The following SCMH1 variants were observed in gnomAD, a reference collection of about 807,000 sequenced individuals.
The protein encoded by SCMH1 is Scm polycomb group protein homolog 1.
A neutral mutation model predicts 70.8 loss-of-function variants in SCMH1; 37 were observed. The observed-to-expected ratio is 0.52, with a 90% CI of 0.40 to 0.69. The LOEUF is 0.69. Ranked by LOEUF, SCMH1 falls within the 30% of genes least tolerant of loss-of-function variation. The pLI, the probability that SCMH1 is intolerant of heterozygous loss-of-function variation, is 0.00. For missense variants in SCMH1, 607 were observed against 827.3 expected (o/e 0.73, Z 3.27); for synonymous variants, 292 against 307.4 (o/e 0.95, Z 0.52).
chr1:41,232,899 G>C (rs1661585527), intron 1 of SCMH1, among the ~76,000 whole-genome samples: 1 of 152,144 alleles, frequency 6.6e-6, no homozygotes, highest in African/African-American at 2.4e-5. Flanking sequence ...CATGCCTTTT[G>C]CTTTTTCGAG....
At chr1:41,037,131 T>G (rs1445990906) in intron 13 of SCMH1, among the ~76,000 whole-genome samples, 1 of 152,242 alleles carries the variant, frequency 6.6e-6, no homozygotes, top group Non-Finnish European at 1.5e-5. Context: ...TCCTTCCCTG[T>G]CCCTTTTGGG....
At chr1:41,092,723 G>C (rs1484602137) in intron 8 of SCMH1, among the ~76,000 whole-genome samples, 14 of 152,278 alleles carry the variant, frequency 9.2e-5, no homozygotes, top group Middle Eastern at 3.4e-3. Flanking sequence ...GATATGAACA[G>C]CCACTTCTCA....
At chr1:41,065,572 G>A (rs574132079) in intron 10 of SCMH1, among the ~76,000 whole-genome samples, 12 of 152,284 alleles carry the variant, frequency 7.9e-5, no homozygotes, top group African/African-American at 2.9e-4. Flanking sequence ...AAGACTTATT[G>A]TAAAGCTACC....
intron 1 of SCMH1, among the ~76,000 whole-genome samples, chr1:41,228,949 T>G (rs1363380380): frequency 6.6e-6 from 1 of 152,122 alleles, no homozygotes; most frequent in Non-Finnish European, 1.5e-5. Flanking sequence ...TAAGATTCAT[T>G]CATTCGGAGG....
chr1:41,181,776 TG>T (rs1434092710), intron 2 of SCMH1, among the ~76,000 whole-genome samples: 1 of 152,220 alleles, frequency 6.6e-6, no homozygotes, highest in Non-Finnish European at 1.5e-5. Flanking sequence ...TCAACCCTTG[TG>T]GAAGTCAGTG....
chr1:41,061,549 T>C (rs548309322), intron 10 of SCMH1, among the ~76,000 whole-genome samples: 1 of 152,160 alleles, frequency 6.6e-6, no homozygotes. Context: ...AATGTGTGTA[T>C]ACCTAACAAC....
chr1:41,226,245 G>T (rs1003490459), intron 1 of SCMH1, among the ~76,000 whole-genome samples: 1 of 152,118 alleles, frequency 6.6e-6, no homozygotes, highest in Admixed American at 6.5e-5. Context: ...AAAATTATTA[G>T]TCTGAGACAA....
In SCMH1 at chr1:41,210,895, C is replaced by T. The variant is rs193293451; in HGVS notation, c.-117-24645G>A. Among the ~76,000 whole-genome samples, 62 of 151,866 alleles carry T rather than the reference C, an allele frequency of 4.1e-4. No individual in the cohort carries two copies. The East Asian group carries it at 0.01, about 25-fold the overall frequency. On this transcript the variant is annotated intron_variant, in intron 1 of 14. Coordinates refer to ENST00000337495, the Ensembl canonical transcript of SCMH1. The stretch of plus-strand genomic sequence containing the variant: ...CATGATCTCGACTCACTGCAACCTC[C>T]GCCTCCCTGGCTCAAGCGATTCTCC...
At chr1:41,224,608 A>G (rs1268797569) in intron 1 of SCMH1, among the ~76,000 whole-genome samples, 1 of 152,198 alleles carries the variant, frequency 6.6e-6, no homozygotes, top group Non-Finnish European at 1.5e-5. Flanking sequence ...TTTTTTATAA[A>G]TAACTTAATT....
chr1:41,031,131 G>A (rs1175738613), intron 13 of SCMH1, among the ~76,000 whole-genome samples: 1 of 152,032 alleles, frequency 6.6e-6, no homozygotes, highest in African/African-American at 2.4e-5. Context: ...TACAAAACAA[G>A]TAAAAAAATC....
At chr1:41,117,197 A>C (rs1670682294) in intron 6 of SCMH1, among the ~76,000 whole-genome samples, 187 bp from the exon 7 acceptor site, 1 of 152,170 alleles carries the variant, frequency 6.6e-6, no homozygotes, top group Admixed American at 6.5e-5. Flanking sequence ...TATGAATATC[A>C]TTCATCATTA....
intron 8 of SCMH1, among the ~76,000 whole-genome samples, chr1:41,111,077 T>C (rs1272119361): frequency 2.0e-5 from 3 of 152,242 alleles, no homozygotes; most frequent in African/African-American, 7.2e-5. Context: ...TATCTGTGTA[T>C]GTTATCTGGA....
chr1:41,117,433 C>A (rs1007286275), intron 6 of SCMH1, among the ~76,000 whole-genome samples: 3 of 152,076 alleles, frequency 2.0e-5, no homozygotes, highest in Non-Finnish European at 2.9e-5. Context: ...CCAAGCGGAC[C>A]GTGGTCTAGT....
chr1:41,090,862 A>G (rs1031514412), intron 8 of SCMH1, among the ~76,000 whole-genome samples: 1 of 151,840 alleles, frequency 6.6e-6, no homozygotes, highest in East Asian at 1.9e-4. Flanking sequence ...ACACGGTGAA[A>G]CCCCATCTCT....
chr1:41,153,802 T>A (rs1448408601), intron 4 of SCMH1, among the ~76,000 whole-genome samples: 1 of 152,164 alleles, frequency 6.6e-6, no homozygotes, highest in East Asian at 1.9e-4. Context: ...TATGACTTAG[T>A]AAGAATGTTT....
chr1:41,226,441 A>G (rs1487639612), intron 1 of SCMH1, among the ~76,000 whole-genome samples: 2 of 152,192 alleles, frequency 1.3e-5, no homozygotes, highest in African/African-American at 2.4e-5. Context: ...AGATGACATA[A>G]GGATTACTTT....
At chr1:41,110,027 C>CAAGGTT (rs1557481816) in intron 8 of SCMH1, among the ~76,000 whole-genome samples, 6 of 152,108 alleles carry the variant, frequency 3.9e-5, no homozygotes, top group South Asian at 2.1e-4. Flanking sequence ...GCTATCAGTT[C>CAAGGTT]CAAGGTACCT....
intron 9 of SCMH1, among the ~76,000 whole-genome samples, chr1:41,074,642 C>T (rs1033615886): frequency 1.3e-5 from 2 of 152,166 alleles, no homozygotes; most frequent in Admixed American, 6.5e-5. Context: ...CAGTTTCTTC[C>T]ATGTACACTA....
chr1:41,153,250 T>C (rs1046759865), intron 4 of SCMH1, among the ~76,000 whole-genome samples: 7 of 152,220 alleles, frequency 4.6e-5, no homozygotes, highest in African/African-American at 1.7e-4. Context: ...ATGTTCTGTA[T>C]CTGTGCTAGC....
Sources: allele counts gnomAD v4.1 joint callset (sites outside exome capture counted in the v4.1 genomes callset), GRCh38; gene constraint gnomAD v4.1.1; transcripts MANE v1.5; gene names NCBI Gene and HGNC (gene_info 2026-07-23, HGNC 2026-07-21).